Variants in DLX1 observed in about 807,000 individuals in gnomAD.
DLX1 encodes the protein homeobox protein DLX-1.
DLX1 carries 7 observed loss-of-function variants against 25.0 expected under a neutral mutation model. The ratio of observed to expected loss-of-function variants is 0.28; its 90% CI spans 0.16 to 0.52. DLX1 has a LOEUF of 0.52. Ranked by LOEUF, DLX1 falls within the 20% of genes least tolerant of loss-of-function variation. The probability of loss-of-function intolerance (pLI) is 0.96; values close to 1 mark genes in which losing one functional copy is unlikely to be tolerated. For missense variants in DLX1, 233 were observed against 334.4 expected (o/e 0.70, Z 2.37); for synonymous variants, 155 against 140.3 (o/e 1.10, Z -0.74).
intron 2 of DLX1, chr2:172,087,381 C>A: frequency 2.5e-6 from 1 of 398,660 alleles, no homozygotes. Context: ...CTCCGGGGAG[C>A]CCGTGAGCGT....
At chr2:172,087,902 G>T (rs1690875787) in intron 2 of DLX1, 101 bp from the exon 3 acceptor site, 1 of 1,466,868 alleles carries the variant, frequency 6.8e-7, no homozygotes, top group Non-Finnish European at 9.2e-7. Context: ...GCAGGGTTGG[G>T]AGGTCCTATC....
chr2:172,088,325 C>A lies in DLX1; in HGVS notation c.*68C>A. On this transcript the variant is annotated 3_prime_UTR_variant, in exon 3 of 3. Coordinates refer to ENST00000361725, the MANE Select transcript of DLX1 (RefSeq NM_178120.5). ...CTCCCGCCTCCAGGTCCATCCATCC[C>A]GTCCGGAAAAGAAGGACCCAGAGGG... 1.4e-6 allele frequency: 2 copies of A among 1,404,590 alleles called. No individual in the cohort carries two copies. The highest frequency in any genetic ancestry group is 1.7e-5 in the South Asian group (1 of 58,706). The allele number at this position is 1,404,590 out of a possible 1,614,324, so 87.0% of individuals were successfully genotyped here.
chr2:172,087,001 C>T (rs1200596755), intron 2 of DLX1, 148 bp downstream of exon 2: 1 of 830,956 alleles, frequency 1.2e-6, no homozygotes, highest in East Asian at 2.6e-5. Flanking sequence ...CAGCGTGTCT[C>T]CTTCCTCCCT....
Position 172,088,245 on chromosome 2 carries a change from C to G in DLX1, c.756C>G (p.Pro252=), listed in dbSNP as rs748944355. ...CGCACCAAGAAGCTATGCAGCAACC[C>G]CAACTTATGTGAGGTTGCCCGCCCG... ...PSAHQEAMQQ[P]QLM is the part of the protein sequence containing the mutation. Residue 252 remains proline, a synonymous_variant, in exon 3 of 3, where the codon CCC becomes CCG. Coordinates refer to ENST00000361725, the MANE Select transcript of DLX1 (RefSeq NM_178120.5). 3.3e-6 allele frequency: 5 copies of G among 1,503,940 alleles called. No homozygotes were observed. The East Asian group carries it at 1.3e-4, about 39-fold the overall frequency. 93.2% of individuals were successfully genotyped at this position (1,503,940 alleles called of 1,614,324 possible). A position where few individuals can be genotyped will look rare whatever the true frequency, so the allele number is the denominator to read the frequency against.
Position 172,085,787 on chromosome 2 carries a change from A to C in DLX1, c.110A>C (p.His37Pro). The change falls in exon 1 of 3, where the codon CAC becomes CCC. Residue 37 changes from histidine to proline, a missense_variant. His to Pro is a moderately conservative substitution (Grantham distance 77, BLOSUM62 -2). This residue lies in a region of DLX1 where 126 missense variants were observed against 170.4 expected (regional missense o/e 0.74). Coordinates refer to ENST00000361725, the MANE Select transcript of DLX1 (RefSeq NM_178120.5). This position sits in a 1 kb window ranked among gnomAD's most constrained non-coding sequence, Gnocchi z 4.3. Reference sequence around the variant, plus strand: ...CAAATGTCTCCTTCTCCCATGTCCCACGGGCACTACTCCATGCACTGTTTA... The same window carrying C: ...CAAATGTCTCCTTCTCCCATGTCCCCCGGGCACTACTCCATGCACTGTTTA... ...NQQMSPSPMS[H>P]GHYSMHCLHS... The C allele has an allele frequency of 6.2e-7, 1 of 1,614,138 alleles. No homozygotes were observed. The highest frequency in any genetic ancestry group is 1.1e-5 in the South Asian group (1 of 91,084).
chr2:172,086,052 G>C, intron 1 of DLX1, 62 bp downstream of exon 1: 1 of 1,499,518 alleles, frequency 6.7e-7, no homozygotes, highest in Non-Finnish European at 9.0e-7. Flanking sequence ...GAAAGAAGGA[G>C]CGGGGGAGAA....
Position 172,085,640 on chromosome 2 carries a change from A to G in DLX1, c.-38A>G. ...ATAGAGACCCCCAAAAGGGAAGCAG[A>G]GGAGAGAAAGTCCCACACCCAGACC... is the stretch of plus-strand genomic sequence containing the variant. On this transcript the variant is annotated 5_prime_UTR_variant, in exon 1 of 3. Coordinates refer to ENST00000361725, the MANE Select transcript of DLX1 (RefSeq NM_178120.5). The surrounding 1 kb of genome is among the most constrained non-coding windows in gnomAD (Gnocchi z 4.3). The G allele has an allele frequency of 6.3e-7, 1 of 1,584,292 alleles. No homozygotes were observed. The highest frequency in any genetic ancestry group is 8.6e-7 in the Non-Finnish European group (1 of 1,165,924).
In DLX1 at chr2:172,088,577, G is replaced by GA. The variant is rs1372858060; in HGVS notation, c.*326dup. 4 of 323,018 alleles carry GA rather than the reference G, an allele frequency of 1.2e-5. No homozygotes were observed. The highest frequency in any genetic ancestry group is 2.1e-5 in the African/African-American group (1 of 47,224). The allele number at this position is 323,018 out of a possible 1,614,324, so 20.0% of individuals were successfully genotyped here. A position where few individuals can be genotyped will look rare whatever the true frequency, so the allele number is the denominator to read the frequency against. Reference sequence around the variant, plus strand: ...ACCTTCAGCTTTGTGGGACTATCAGGAAAAAACAAAACAAAAACAAAATGT... The same window carrying GA: ...ACCTTCAGCTTTGTGGGACTATCAGGAAAAAAACAAAACAAAAACAAAATGT... On this transcript the variant is annotated 3_prime_UTR_variant, in exon 3 of 3. Transcript: ENST00000361725.
intron 2 of DLX1, chr2:172,087,075 C>T: frequency 2.8e-6 from 2 of 713,440 alleles, no homozygotes; most frequent in Admixed American, 2.0e-5. Flanking sequence ...GTCCGGCCCT[C>T]TGTCCCTGGA....
In DLX1 at chr2:172,089,375, ATTG is replaced by A. The variant is rs1330859765; in HGVS notation, c.*1121_*1123del. 1 of 152,452 alleles carries A rather than the reference ATTG, an allele frequency of 6.6e-6. No homozygotes were observed. Among genetic ancestry groups the A allele is most frequent in the African/African-American group, 2.4e-5 (1 of 41,352 alleles). 9.4% of individuals were successfully genotyped at this position (152,452 alleles called of 1,614,324 possible). ...GCAGGATCTAATGACTGTACATATT[ATTG>A]TTATTATTATTATTGTTATTATTGT... On this transcript the variant is annotated 3_prime_UTR_variant, in exon 3 of 3. Coordinates refer to ENST00000361725, the MANE Select transcript of DLX1 (RefSeq NM_178120.5).
chr2:172,086,698 C>A lies in DLX1; in HGVS notation c.358C>A (p.Arg120Ser), dbSNP rs1321917026. The change falls in exon 2 of 3, where the codon CGC becomes AGC. Residue 120 changes from arginine (R) to serine (S), a missense_variant. Transcript: ENST00000361725. ...CACGGTGGTGGAAGGCGGTGAAGTG[C>A]GCTTCAATGGCAAGGGAAAAAAGAT... ...KSTVVEGGEV[R>S]FNGKGKKIRK... The A allele has an allele frequency of 6.4e-6, 10 of 1,564,574 alleles. No homozygotes were observed. The highest frequency in any genetic ancestry group is 6.1e-6 in the Non-Finnish European group (7 of 1,153,032).
chr2:172,086,454 G>C, intron 1 of DLX1, 200 bp from the exon 2 acceptor site: 2 of 523,534 alleles, frequency 3.8e-6, no homozygotes, highest in Non-Finnish European at 6.6e-6. Context: ...TGAGCTCCTG[G>C]GAACGGCTCT....
intron 1 of DLX1, chr2:172,086,313 C>A: frequency 2.1e-6 from 1 of 471,632 alleles, no homozygotes; most frequent in Non-Finnish European, 3.7e-6. Flanking sequence ...AAAACAGAAA[C>A]CCACATGTGC....
intron 1 of DLX1, chr2:172,086,403 C>G (rs528200680): frequency 2.1e-6 from 1 of 485,822 alleles, no homozygotes; most frequent in Non-Finnish European, 3.6e-6. Flanking sequence ...CCTCAACTAC[C>G]GCCTGCAAAA....
chr2:172,087,070 GCCCTCTGT>G (rs1191171750), intron 2 of DLX1: 2 of 715,098 alleles, frequency 2.8e-6, no homozygotes, highest in Non-Finnish European at 5.2e-6. Flanking sequence ...CTGCCGTCCG[GCCCTCTGT>G]CCCTGGACAA....
rs1156598786 is a variant in DLX1, at chr2:172,085,962, C to T, written c.285C>T (p.Ser95=). The change falls in exon 1 of 3, where the codon AGC becomes AGT. Residue 95 remains serine (S), a synonymous_variant. Coordinates refer to ENST00000361725, the MANE Select transcript of DLX1 (RefSeq NM_178120.5). The surrounding 1 kb of genome is among the most constrained non-coding windows in gnomAD (Gnocchi z 4.3). ...TGCAGTCCTACCCGGGCAGCGCCAG[C>T]CTCGCCCAGAGCCGCCTGGAGGACC... ...SSVQSYPGSA[S]LAQSRLEDPG... is the part of the protein sequence containing the mutation. 22 of 1,613,368 alleles carry T rather than the reference C, an allele frequency of 1.4e-5. No homozygotes were observed. The highest frequency in any genetic ancestry group is 1.9e-5 in the Non-Finnish European group (22 of 1,179,608).
At chr2:172,086,898 G>A (rs749837220) in intron 2 of DLX1, 45 bp downstream of exon 2, 2 of 1,604,140 alleles carry the variant, frequency 1.2e-6, no homozygotes, top group South Asian at 1.1e-5. Flanking sequence ...GGCTTTCCGC[G>A]GCCGGCCTGC....
chr2:172,086,500 T>G, intron 1 of DLX1, 154 bp from the exon 2 acceptor site: 12 of 716,288 alleles, frequency 1.7e-5, no homozygotes, highest in Non-Finnish European at 1.8e-5. Flanking sequence ...GGCCCTCGGA[T>G]TTTGGGGGAC....
chr2:172,086,884 C>T, intron 2 of DLX1, 31 bp downstream of exon 2: 2 of 1,612,616 alleles, frequency 1.2e-6, no homozygotes, highest in South Asian at 1.1e-5. Flanking sequence ...CGTTCTGCCA[C>T]GCAGGCTTTC....
Sources: gnomAD v4.1 joint callset for allele counts on GRCh38, gnomAD v4.1.1 for gene constraint, gnomAD v4.1.1 regional missense constraint, Gnocchi (gnomAD v3.1) non-coding constraint, MANE v1.5 for transcripts, NCBI Gene and HGNC (gene_info 2026-07-23, HGNC 2026-07-21) for gene names.